Variants in FAM20C observed in about 807,000 individuals in gnomAD.
The protein encoded by FAM20C is extracellular serine/threonine protein kinase FAM20C.
In FAM20C, 40 loss-of-function variants were observed where a neutral mutation model predicts 51.5. The ratio of observed to expected loss-of-function variants is 0.78; its 90% CI spans 0.60 to 1.01. The LOEUF is 1.01. Among genes scored for constraint, FAM20C ranks in the 50% least tolerant of loss-of-function variants. The probability of loss-of-function intolerance (pLI) is 0.00; values close to 1 mark genes in which losing one functional copy is unlikely to be tolerated. For missense variants in FAM20C, 861 were observed against 844.7 expected, an observed-to-expected ratio of 1.02 and a Z score of -0.24; for synonymous variants, 406 against 380.6, an observed-to-expected ratio of 1.07 and a Z score of -0.78.
chr7:236,947 G>A (rs1787867743), intron 3 of FAM20C, among the ~76,000 whole-genome samples: 1 of 152,234 alleles, frequency 6.6e-6, no homozygotes, highest in African/African-American at 2.4e-5. Context: ...TCTTCCAGGA[G>A]TGGGACATGG....
intron 3 of FAM20C, among the ~76,000 whole-genome samples, chr7:242,980 A>AGACC (rs1787997182): frequency 6.6e-6 from 1 of 151,878 alleles, no homozygotes; most frequent in African/African-American, 2.4e-5. Context: ...GCCACCCGGG[A>AGACC]TACCTGTGCC....
chr7:198,123 C>T (rs1785967415), intron 2 of FAM20C, among the ~76,000 whole-genome samples: 1 of 152,216 alleles, frequency 6.6e-6, no homozygotes, highest in Non-Finnish European at 1.5e-5. Context: ...CATTGGTTCT[C>T]ATCCAGTCTT....
chr7:218,534 G>A (rs1199269221), intron 3 of FAM20C, among the ~76,000 whole-genome samples: 5 of 152,218 alleles, frequency 3.3e-5, no homozygotes, highest in Non-Finnish European at 5.9e-5. Context: ...CCTGGTCAGA[G>A]GGAGGGCGGG....
At position 259,768 on chromosome 7, in the gene FAM20C, G is replaced by T; in HGVS notation, c.1543G>T (p.Ala515Ser). Reference sequence around the variant, plus strand: ...CACCTACCTGCGTCTGCAGCTCCTGGCCAAGGAGGAGTACAAGCTGAGCCT... The same window carrying T: ...CACCTACCTGCGTCTGCAGCTCCTGTCCAAGGAGGAGTACAAGCTGAGCCT... Reference protein sequence around the residue: ...KSTYLRLQLLAKEEYKLSLLM... With the variant: ...KSTYLRLQLLSKEEYKLSLLM... The change falls in exon 10 of 10, where the codon GCC (alanine) becomes TCC (serine). Residue 515 changes from alanine (A) to serine (S), a missense_variant. Ala to Ser is a moderately conservative substitution (Grantham distance 99). This residue lies in a region of FAM20C where 269 missense variants were observed against 283.8 expected (regional missense o/e 0.95). Transcript: ENST00000313766. The T allele has an allele frequency of 6.5e-7, 1 of 1,536,676 alleles. No homozygotes were observed.
chr7:234,396 C>T (rs1787789528), intron 3 of FAM20C, among the ~76,000 whole-genome samples: 1 of 152,096 alleles, frequency 6.6e-6, no homozygotes. Flanking sequence ...AGCTTGATCT[C>T]GCCTCACAGG....
chr7:204,750 C>T (rs1786273045), intron 2 of FAM20C, among the ~76,000 whole-genome samples: 1 of 152,210 alleles, frequency 6.6e-6, no homozygotes, highest in Non-Finnish European at 1.5e-5. Flanking sequence ...TGGTGAGTCC[C>T]CACATTGCCA....
chr7:200,957 A>G (rs79784335), intron 2 of FAM20C, among the ~76,000 whole-genome samples: 4,016 of 152,178 alleles, frequency 0.026, 178 homozygotes, highest in African/African-American at 0.091. Flanking sequence ...CTTTTCCTCA[A>G]AACCAGGTCC....
chr7:216,960 G>A lies in FAM20C; in HGVS notation c.863+7984G>A, dbSNP rs189596026. On this transcript the variant is annotated intron_variant, in intron 3 of 9. Transcript: ENST00000313766. ...GTGACGAGGAATTAAAGGCAGGAGC[G>A]GGGGCCCACCCTGAACGGCCTCATC... is the stretch of plus-strand genomic sequence containing the variant. 4.9e-3 allele frequency among the ~76,000 whole-genome samples: 747 copies of A among 152,184 alleles called. 5 individuals are homozygous for A. Among genetic ancestry groups the A allele is most frequent in the Middle Eastern group, 0.014 (4 of 294 alleles).
At chr7:195,779 T>C (rs1179233015) in intron 2 of FAM20C, 47 bp downstream of exon 2, 1 of 1,483,792 alleles carries the variant, frequency 6.7e-7, no homozygotes. Flanking sequence ...GCCGGCTGTG[T>C]GGCATCAGGG....
chr7:244,429 G>A (rs1301369209), intron 3 of FAM20C, among the ~76,000 whole-genome samples: 1 of 152,212 alleles, frequency 6.6e-6, no homozygotes, highest in Admixed American at 6.5e-5. Flanking sequence ...GGACCATTTG[G>A]TTTGACCTTT....
chr7:231,060 G>A lies in FAM20C; in HGVS notation c.864-15355G>A, dbSNP rs538417503. Among the ~76,000 whole-genome samples the A allele has an allele frequency of 2.6e-5, 4 of 152,202 alleles. No individual in the cohort carries two copies. The South Asian group carries it at 8.3e-4, about 32-fold the overall frequency. ...AAAGACGGCCTGGGAGATGATGCTGGAAGACACAGGCCAGGGTGGTCCAGG... is the reference window on the plus strand; with the variant it reads ...AAAGACGGCCTGGGAGATGATGCTGAAAGACACAGGCCAGGGTGGTCCAGG... On this transcript the variant is annotated intron_variant, in intron 3 of 9. Coordinates refer to ENST00000313766, the MANE Select transcript of FAM20C (RefSeq NM_020223.4).
At chr7:225,975 T>C (rs28670833) in intron 3 of FAM20C, among the ~76,000 whole-genome samples, 21,286 of 56,442 alleles carry the variant, frequency 0.38, 5,751 homozygotes, top group East Asian at 0.53. Flanking sequence ...GGCACCCTCA[T>C]GGGGTCGCAC....
At chr7:242,711 T>A (rs1787982522) in intron 3 of FAM20C, among the ~76,000 whole-genome samples, 1 of 152,180 alleles carries the variant, frequency 6.6e-6, no homozygotes, top group Non-Finnish European at 1.5e-5. Context: ...TTCTGGAGGC[T>A]CTGGTCACAT....
chr7:195,753 T>C (rs1222135988), intron 2 of FAM20C, 21 bp downstream of exon 2: 2 of 1,552,602 alleles, frequency 1.3e-6, no homozygotes. Context: ...TTGGGTGCAC[T>C]CAGGGCCGTC....
In FAM20C at chr7:218,869, C is replaced by G. The variant is rs560673608; in HGVS notation, c.863+9893C>G. On this transcript the variant is annotated intron_variant, in intron 3 of 9. Coordinates refer to ENST00000313766, the MANE Select transcript of FAM20C (RefSeq NM_020223.4). ...ACACGGGCCCAGGACGCACAGATCACTCCTGTCCGGCCGGGAGCTGACACG... is the reference window on the plus strand; with the variant it reads ...ACACGGGCCCAGGACGCACAGATCAGTCCTGTCCGGCCGGGAGCTGACACG... 2.7e-5 allele frequency among the ~76,000 whole-genome samples: 4 copies of G among 147,862 alleles called. No individual in the cohort carries two copies. In the South Asian group the frequency reaches 8.8e-4, roughly 33 times the overall value.
At chr7:251,670 C>A (rs1162924928) in intron 5 of FAM20C, among the ~76,000 whole-genome samples, 5 of 152,206 alleles carry the variant, frequency 3.3e-5, no homozygotes, top group African/African-American at 9.6e-5. Flanking sequence ...TGCTGCAAGG[C>A]GGCCATCGAC....
At chr7:228,488 G>T (rs752662352) in intron 3 of FAM20C, 1 of 456,190 alleles carries the variant, frequency 2.2e-6, no homozygotes, top group Non-Finnish European at 4.4e-6. Context: ...AGCCAGGTCC[G>T]TGTCCCTGTC....
At chr7:257,347 C>T (rs1022767896) in intron 8 of FAM20C, 23 of 512,242 alleles carry the variant, frequency 4.5e-5, no homozygotes, top group Non-Finnish European at 6.7e-5. Flanking sequence ...ACCTGGGAAA[C>T]GGAGGCCAGG....
At chr7:228,204 G>C (rs1787519210) in intron 3 of FAM20C, 1 of 331,572 alleles carries the variant, frequency 3.0e-6, no homozygotes, top group South Asian at 2.5e-5. Flanking sequence ...TGAGGCCCGT[G>C]GCCAATCAGA....
Sources: gnomAD v4.1 joint callset for allele counts (sites outside exome capture counted in the v4.1 genomes callset) on GRCh38, gnomAD v4.1.1 for gene constraint, gnomAD v4.1.1 regional missense constraint, MANE v1.5 for transcripts, NCBI Gene and HGNC (gene_info 2026-07-23, HGNC 2026-07-21) for gene names.